Variants in ANKS1B observed in about 807,000 individuals in gnomAD.
ANKS1B encodes ankyrin repeat and sterile alpha motif domain-containing protein 1B.
A neutral mutation model predicts 148.3 loss-of-function variants in ANKS1B; 36 were observed. That is an observed-to-expected ratio of 0.24 (90% CI 0.19 to 0.32). The LOEUF is 0.32. ANKS1B is among the 10% of genes least tolerant of loss of function. ANKS1B has a pLI of 1.00. For synonymous variants in ANKS1B, 542 were observed against 560.8 expected (o/e 0.97, Z 0.47); for missense variants, 1,157 against 1,542.6 (o/e 0.75, Z 4.19).
chr12:99,739,811 A>ACAAC (rs143236129), intron 8 of ANKS1B, among the ~76,000 whole-genome samples: 435 of 152,290 alleles, frequency 2.9e-3, no homozygotes, highest in Admixed American at 4.4e-3. Context: ...TTGCTCAAAC[A>ACAAC]CAACCTTCTC....
intron 8 of ANKS1B, among the ~76,000 whole-genome samples, chr12:99,662,052 C>G (rs2098480209): frequency 6.6e-6 from 1 of 152,272 alleles, no homozygotes; most frequent in South Asian, 2.1e-4. Flanking sequence ...CCCTACCAGC[C>G]TTGGACTGCC....
chr12:99,491,310 A>G (rs2096553341), intron 10 of ANKS1B, among the ~76,000 whole-genome samples: 1 of 152,174 alleles, frequency 6.6e-6, no homozygotes, highest in Non-Finnish European at 1.5e-5. Flanking sequence ...ATCTCAGAAA[A>G]AAAAAAAAGC....
chr12:99,295,536 T>G (rs997287222), intron 12 of ANKS1B, among the ~76,000 whole-genome samples: 2 of 152,258 alleles, frequency 1.3e-5, no homozygotes, highest in Non-Finnish European at 2.9e-5. Context: ...TTCAGAAAGC[T>G]GAAGTTCTTA....
intron 17 of ANKS1B, among the ~76,000 whole-genome samples, chr12:99,010,717 G>C (rs2099938826): frequency 6.6e-6 from 1 of 151,012 alleles, no homozygotes; most frequent in African/African-American, 2.4e-5. Flanking sequence ...GGTACAGGCA[G>C]ATTAAGAACA....
chr12:98,948,971 G>C (rs1342068266), intron 17 of ANKS1B, among the ~76,000 whole-genome samples: 1 of 23,108 alleles, frequency 4.3e-5, no homozygotes, highest in East Asian at 1.6e-3. Flanking sequence ...TTTTTTTTTT[G>C]AGATGGAGTC....
At chr12:99,927,182 T>C (rs1300463997) in intron 1 of ANKS1B, among the ~76,000 whole-genome samples, 4 of 152,182 alleles carry the variant, frequency 2.6e-5, no homozygotes, top group Admixed American at 1.3e-4. Context: ...AGCATCCTAC[T>C]GATACCTAAT....
At chr12:99,290,347 CAGA>C (rs1429046788) in intron 12 of ANKS1B, among the ~76,000 whole-genome samples, 1 of 149,778 alleles carries the variant, frequency 6.7e-6, no homozygotes, top group African/African-American at 2.5e-5. Context: ...CAAATATTTG[CAGA>C]AGAACTAATA....
At chr12:99,244,607 T>C (rs971859711) in intron 13 of ANKS1B, among the ~76,000 whole-genome samples, 193 bp from the exon 14 acceptor site, 3 of 152,258 alleles carry the variant, frequency 2.0e-5, no homozygotes, top group Admixed American at 6.5e-5. Context: ...ATGTAAAGTA[T>C]GTTCCCCTTT....
chr12:99,946,073 T>C (rs1265087028), intron 1 of ANKS1B, among the ~76,000 whole-genome samples: 2 of 152,036 alleles, frequency 1.3e-5, no homozygotes, highest in Non-Finnish European at 2.9e-5. Flanking sequence ...CACTGAGAAA[T>C]TGGAGGTTGT....
At chr12:98,906,935 C>T (rs1392916363) in intron 17 of ANKS1B, among the ~76,000 whole-genome samples, 1 of 151,724 alleles carries the variant, frequency 6.6e-6, no homozygotes, top group Non-Finnish European at 1.5e-5. Context: ...GTTGTTTTGA[C>T]ATACATACAC....
chr12:99,662,529 A>G (rs1405151984), intron 8 of ANKS1B, among the ~76,000 whole-genome samples: 1 of 152,190 alleles, frequency 6.6e-6, no homozygotes, highest in Non-Finnish European at 1.5e-5. Flanking sequence ...GCTTGCCCTC[A>G]TAGATGTTTT....
At chr12:99,508,094 T>G (rs571933405) in intron 9 of ANKS1B, among the ~76,000 whole-genome samples, 2 of 152,050 alleles carry the variant, frequency 1.3e-5, no homozygotes, top group African/African-American at 4.8e-5. Flanking sequence ...TCAAATGCTC[T>G]AGTTCTTCTG....
At chr12:98,979,370 C>A (rs1349401595) in intron 17 of ANKS1B, among the ~76,000 whole-genome samples, 2 of 151,406 alleles carry the variant, frequency 1.3e-5, no homozygotes, top group Admixed American at 1.3e-4. Flanking sequence ...CGGGTTCAAG[C>A]AATTCTCCTG....
chr12:99,139,168 C>T (rs946632598), intron 15 of ANKS1B, among the ~76,000 whole-genome samples: 7 of 150,518 alleles, frequency 4.7e-5, no homozygotes, highest in Non-Finnish European at 8.9e-5. Flanking sequence ...GCTAATCAAT[C>T]TTTCTTTCTT....
chr12:99,856,099 A>G (rs1444399077), intron 1 of ANKS1B, among the ~76,000 whole-genome samples: 1 of 152,072 alleles, frequency 6.6e-6, no homozygotes, highest in East Asian at 1.9e-4. Flanking sequence ...AAAACAAAAT[A>G]AAAAATACAA....
At position 99,984,661 on chromosome 12, in the gene ANKS1B, C is replaced by G. The variant is rs368298790; in HGVS notation, c.-424G>C. ...AGCTGGAGCGGGAGCGCAGGGAACA[C>G]CCGCGGTGGCAGCAGCGGCCCGCGC... On this transcript the variant is annotated 5_prime_UTR_variant, in exon 1 of 27. Coordinates refer to ENST00000683438, the MANE Select transcript of ANKS1B (RefSeq NM_001352186.2). 6.5e-6 allele frequency: 1 copy of G among 153,856 alleles called. No homozygotes were observed. Among genetic ancestry groups the G allele is most frequent in the Non-Finnish European group, 1.5e-5 (1 of 68,848 alleles). 9.5% of individuals were successfully genotyped at this position (153,856 alleles called of 1,614,324 possible).
At chr12:99,655,384 C>T (rs1385829904) in intron 8 of ANKS1B, among the ~76,000 whole-genome samples, 174 bp from the exon 9 acceptor site, 1 of 151,698 alleles carries the variant, frequency 6.6e-6, no homozygotes, top group Non-Finnish European at 1.5e-5. Context: ...TATAGTCCAA[C>T]TTAAGTTAAA....
intron 17 of ANKS1B, among the ~76,000 whole-genome samples, chr12:99,047,323 C>T (rs1012909575): frequency 2.6e-5 from 4 of 152,078 alleles, no homozygotes; most frequent in Non-Finnish European, 4.4e-5. Flanking sequence ...TCGCTTGAAC[C>T]TGGGAGGCGG....
chr12:99,779,904 G>C lies in ANKS1B; in HGVS notation c.814C>G (p.Gln272Glu). The change falls in exon 6 of 27, where the codon CAG becomes GAG. Residue 272 changes from glutamine to glutamate, a missense_variant. Around this residue, in one of 6 missense-constraint regions of ANKS1B, gnomAD observed 661 missense variants for 642.1 expected, o/e 1.03. Transcript: ENST00000683438. ...VLDILKEHPS[Q>E]KSLQIATLLQ... The stretch of plus-strand genomic sequence containing the variant: ...AGTGTTGCAATCTGGAGAGATTTCT[G>C]AGATGGATGTTCTTTCAGAATGTCC... The C allele has an allele frequency of 6.2e-7, 1 of 1,612,796 alleles. No individual in the cohort carries two copies. The highest frequency in any genetic ancestry group is 1.1e-5 in the South Asian group (1 of 90,814).
Sources: allele counts gnomAD v4.1 joint callset (sites outside exome capture counted in the v4.1 genomes callset), GRCh38; gene constraint gnomAD v4.1.1; regional missense constraint gnomAD v4.1.1; transcripts MANE v1.5; gene names NCBI Gene and HGNC (gene_info 2026-07-23, HGNC 2026-07-21).